The following LINGO1 variants were observed in gnomAD, a reference collection of about 807,000 sequenced individuals.
LINGO1 encodes the protein leucine rich repeat and Ig domain containing 1.
In LINGO1, 11 loss-of-function variants were observed where a neutral mutation model predicts 37.3. The observed-to-expected ratio is 0.29, with a 90% CI of 0.19 to 0.49. The LOEUF (loss-of-function observed/expected upper bound fraction) is 0.49. LINGO1 is among the 20% of genes least tolerant of loss of function. LINGO1 has a pLI of 0.99. For synonymous variants in LINGO1, 387 were observed against 403.0 expected (o/e 0.96, Z 0.48); for missense variants, 585 against 878.2 (o/e 0.67, Z 4.22).
At chr15:77,633,433 C>A (rs1223039418), upstream of LINGO1, among the ~76,000 whole-genome samples, 2 of 152,216 alleles carry the variant, frequency 1.3e-5, no homozygotes, top group Non-Finnish European at 2.9e-5. Flanking sequence ...GACCGGGAGC[C>A]CCCGTCCTGG....
chr15:77,794,604 T>TGAGACGGAGTC (rs2076857139), intron 2 of LINGO1, among the ~76,000 whole-genome samples: 1 of 133,820 alleles, frequency 7.5e-6, no homozygotes. Flanking sequence ...TTTTTTTTTT[T>TGAGACGGAGTC]TGAGACGGAG....
chr15:77,812,356 C>T (rs1438545095), intron 1 of LINGO1, among the ~76,000 whole-genome samples: 4 of 152,198 alleles, frequency 2.6e-5, no homozygotes, highest in East Asian at 1.9e-4. Flanking sequence ...AGTAACTGCC[C>T]GGGCATCTCA....
At chr15:77,806,776 C>G (rs891371770) in intron 1 of LINGO1, among the ~76,000 whole-genome samples, 2 of 152,098 alleles carry the variant, frequency 1.3e-5, no homozygotes, top group African/African-American at 4.8e-5. Flanking sequence ...GCGCCAGGAT[C>G]TGGGTCTCCA....
intron 1 of LINGO1, among the ~76,000 whole-genome samples, chr15:77,741,933 G>A (rs890646918): frequency 2.6e-5 from 4 of 152,218 alleles, no homozygotes; most frequent in African/African-American, 7.2e-5. Flanking sequence ...CCTTGGTTCA[G>A]ATGGAGAGAA....
chr15:77,779,251 T>C (rs1054258963), intron 1 of LINGO1, among the ~76,000 whole-genome samples: 1 of 152,048 alleles, frequency 6.6e-6, no homozygotes, highest in African/African-American at 2.4e-5. Context: ...ATTTATCTTG[T>C]TTAATATCTC....
At chr15:77,765,243 C>T (rs549944242) in intron 1 of LINGO1, among the ~76,000 whole-genome samples, 187 of 152,068 alleles carry the variant, frequency 1.2e-3, no homozygotes, top group African/African-American at 4.2e-3. Flanking sequence ...GGTGAAACCC[C>T]GTCTCTACTA....
intron 1 of LINGO1, among the ~76,000 whole-genome samples, chr15:77,620,801 C>T (rs138005855): frequency 2.8e-4 from 43 of 152,174 alleles, no homozygotes; most frequent in Non-Finnish European, 4.6e-4. Context: ...ACATTCAGGG[C>T]GTGCCCCCAG....
At chr15:77,710,904 G>C (rs530487352) in intron 2 of LINGO1, among the ~76,000 whole-genome samples, 34 of 152,360 alleles carry the variant, frequency 2.2e-4, no homozygotes, top group Admixed American at 9.8e-4. Flanking sequence ...CCCGCTGTTG[G>C]CATCTGTTCA....
intron 1 of LINGO1, among the ~76,000 whole-genome samples, chr15:77,749,903 G>C (rs1046755278): frequency 4.6e-5 from 7 of 152,158 alleles, no homozygotes; most frequent in African/African-American, 1.7e-4. Context: ...AAGCTGCCAT[G>C]GGGCAGGCCG....
chr15:77,678,431 G>A (rs774955074), intron 2 of LINGO1, among the ~76,000 whole-genome samples: 3 of 152,180 alleles, frequency 2.0e-5, no homozygotes, highest in Admixed American at 6.5e-5. Context: ...TCATCTAAAC[G>A]TAGCCCTCTG....
intron 3 of LINGO1, chr15:77,651,818 G>A (rs1412858391): frequency 6.6e-6 from 1 of 152,280 alleles, no homozygotes; most frequent in African/African-American, 2.4e-5. Flanking sequence ...TAGCTGCTTT[G>A]GCCCTTGTTT....
chr15:77,746,644 A>G (rs1040460967), intron 1 of LINGO1, among the ~76,000 whole-genome samples: 3 of 151,938 alleles, frequency 2.0e-5, no homozygotes, highest in African/African-American at 7.3e-5. Flanking sequence ...CTGGAGGATA[A>G]CAAGGCACCC....
At chr15:77,732,726 C>A (rs2076165268) in intron 2 of LINGO1, among the ~76,000 whole-genome samples, 1 of 152,258 alleles carries the variant, frequency 6.6e-6, no homozygotes, top group Non-Finnish European at 1.5e-5. Flanking sequence ...CATGGTGGCT[C>A]CCTGCTCTGC....
chr15:77,739,211 G>A (rs979385892), intron 1 of LINGO1, among the ~76,000 whole-genome samples: 10 of 152,356 alleles, frequency 6.6e-5, no homozygotes, highest in East Asian at 1.9e-4. Flanking sequence ...AATTGTGTTC[G>A]CAGCGGAAAT....
intron 2 of LINGO1, among the ~76,000 whole-genome samples, chr15:77,703,622 C>A (rs1393549923): frequency 1.3e-5 from 2 of 152,062 alleles, no homozygotes; most frequent in African/African-American, 4.8e-5. Flanking sequence ...TGGGAAGGAC[C>A]CTCCAGAGCT....
chr15:77,723,637 C>T (rs2076073360), intron 2 of LINGO1, among the ~76,000 whole-genome samples: 1 of 152,156 alleles, frequency 6.6e-6, no homozygotes, highest in African/African-American at 2.4e-5. Flanking sequence ...GGACCCGGGC[C>T]CCACCCTAGT....
At chr15:77,740,530 T>G (rs2076252456) in intron 1 of LINGO1, among the ~76,000 whole-genome samples, 1 of 152,150 alleles carries the variant, frequency 6.6e-6, no homozygotes, top group Non-Finnish European at 1.5e-5. Context: ...CAGGCTCACC[T>G]GCCCACACAG....
chr15:77,767,292 G>T (rs150419214), intron 1 of LINGO1, among the ~76,000 whole-genome samples: 1 of 152,318 alleles, frequency 6.6e-6, no homozygotes, highest in East Asian at 1.9e-4. Context: ...TGACTTTAGA[G>T]AGAGGGGCTC....
At chr15:77,681,503 G>A (rs2075413131) in intron 2 of LINGO1, among the ~76,000 whole-genome samples, 1 of 152,154 alleles carries the variant, frequency 6.6e-6, no homozygotes, top group East Asian at 1.9e-4. Context: ...AATTCACAGA[G>A]GCCCAGGCAA....
Sources: allele counts gnomAD v4.1 joint callset (sites outside exome capture counted in the v4.1 genomes callset), GRCh38; gene constraint gnomAD v4.1.1; transcripts MANE v1.5; gene names NCBI Gene and HGNC (gene_info 2026-07-23, HGNC 2026-07-21).